MPC2: variants seen among roughly 807,000 people sequenced by gnomAD.
The protein encoded by MPC2 is brain protein 44.
MPC2 carries 19 observed loss-of-function variants against 19.2 expected under a neutral mutation model. The ratio of observed to expected loss-of-function variants is 0.99; its 90% CI spans 0.69 to 1.45. The LOEUF (loss-of-function observed/expected upper bound fraction) is 1.45, where lower values mean the gene tolerates loss of function less well. Among genes scored for constraint, MPC2 ranks in the 40% most tolerant of loss-of-function variants. MPC2 has a pLI of 0.00. For synonymous variants in MPC2, 61 were observed against 54.3 expected, an observed-to-expected ratio of 1.12 and a Z score of -0.54; for missense variants, 122 against 153.0, an observed-to-expected ratio of 0.80 and a Z score of 1.07.
At chr1:167,920,165 A>AAAGT in intron 4 of MPC2, 75 bp from the exon 5 acceptor site, 1 of 901,468 alleles carries the variant, frequency 1.1e-6, no homozygotes, top group Non-Finnish European at 1.8e-6. Flanking sequence ...AATATTGAGT[A>AAAGT]AAGTAATTAC....
At chr1:167,926,097 T>G (rs1048380106) in intron 2 of MPC2, among the ~76,000 whole-genome samples, 4 of 152,254 alleles carry the variant, frequency 2.6e-5, no homozygotes, top group African/African-American at 9.6e-5. Flanking sequence ...CTTGTGGGAC[T>G]ACTCAGCCCA....
chr1:167,923,589 T>C (rs749753114), intron 3 of MPC2, among the ~76,000 whole-genome samples: 1 of 151,994 alleles, frequency 6.6e-6, no homozygotes, highest in African/African-American at 2.4e-5. Flanking sequence ...TTTTACAAGA[T>C]AAAAAGGGTT....
chr1:167,928,317 C>G (rs1406168425), intron 2 of MPC2, among the ~76,000 whole-genome samples: 1 of 132,848 alleles, frequency 7.5e-6, no homozygotes, highest in African/African-American at 2.8e-5. Flanking sequence ...CACTGCACTC[C>G]AGAAAAAAAA....
At chr1:167,933,909 T>C (rs532946686) in intron 2 of MPC2, among the ~76,000 whole-genome samples, 2 of 152,312 alleles carry the variant, frequency 1.3e-5, no homozygotes, top group East Asian at 1.9e-4. Context: ...CTACATGTTT[T>C]AGAGACATTA....
rs566216996 is a variant in MPC2 at position 167,927,730 on chromosome 1, C to T, written c.110-3193G>A. On this transcript the variant is annotated intron_variant, in intron 2 of 5. Coordinates refer to ENST00000271373, the MANE Select transcript of MPC2 (RefSeq NM_001143674.4). Reference sequence around the variant, plus strand: ...TTTGCCTGGTAACTAATTTACTAAACTGCCTAGAGCTAGGTAATAGTTTTA... The same window carrying T: ...TTTGCCTGGTAACTAATTTACTAAATTGCCTAGAGCTAGGTAATAGTTTTA... Among the ~76,000 whole-genome samples the T allele has an allele frequency of 4.6e-5, 7 of 152,296 alleles. No homozygotes were observed. The South Asian group carries it at 1.2e-3, about 27-fold the overall frequency.
At chr1:167,932,950 G>T (rs1670952366) in intron 2 of MPC2, among the ~76,000 whole-genome samples, 1 of 152,060 alleles carries the variant, frequency 6.6e-6, no homozygotes, top group African/African-American at 2.4e-5. Flanking sequence ...ATAGTCAGGT[G>T]GGGGATAATG....
At chr1:167,927,315 C>T (rs1009052585) in intron 2 of MPC2, among the ~76,000 whole-genome samples, 1 of 152,190 alleles carries the variant, frequency 6.6e-6, no homozygotes. Context: ...ATGCATTAAT[C>T]CTATAAGTCA....
At chr1:167,925,088 T>C (rs1670698851) in intron 2 of MPC2, among the ~76,000 whole-genome samples, 1 of 152,192 alleles carries the variant, frequency 6.6e-6, no homozygotes, top group East Asian at 1.9e-4. Flanking sequence ...GTGATGGTAA[T>C]GCTACACATT....
At chr1:167,929,309 A>G (rs921936789) in intron 2 of MPC2, among the ~76,000 whole-genome samples, 5 of 152,274 alleles carry the variant, frequency 3.3e-5, no homozygotes, top group African/African-American at 1.2e-4. Context: ...CAGTGAGCCG[A>G]GATTGCACCA....
At chr1:167,925,354 G>A (rs1670707128) in intron 2 of MPC2, among the ~76,000 whole-genome samples, 1 of 149,368 alleles carries the variant, frequency 6.7e-6, no homozygotes, top group Admixed American at 6.7e-5. Flanking sequence ...AGGAAAGTTA[G>A]CCAGTAGAGT....
chr1:167,928,266 T>A (rs1370345371), intron 2 of MPC2, among the ~76,000 whole-genome samples: 1 of 146,680 alleles, frequency 6.8e-6, no homozygotes, highest in Non-Finnish European at 1.5e-5. Context: ...GAGAATGGCG[T>A]GAAGCCGGGA....
chr1:167,928,265 G>A (rs1192421284), intron 2 of MPC2, among the ~76,000 whole-genome samples: 1 of 151,174 alleles, frequency 6.6e-6, no homozygotes, highest in South Asian at 2.1e-4. Context: ...GGAGAATGGC[G>A]TGAAGCCGGG....
At chr1:167,920,780 C>CAA in intron 3 of MPC2, 149 bp from the exon 4 acceptor site, 1 of 785,032 alleles carries the variant, frequency 1.3e-6, no homozygotes, top group Non-Finnish European at 1.9e-6. Context: ...TAGATTACAA[C>CAA]AAAAAAAAAG....
intron 2 of MPC2, among the ~76,000 whole-genome samples, chr1:167,929,707 A>G (rs1670855046): frequency 6.6e-6 from 1 of 152,222 alleles, no homozygotes; most frequent in Admixed American, 6.5e-5. Context: ...TATCGTATAT[A>G]TGATTCCCTC....
In MPC2 at chr1:167,935,849, G is replaced by A. The variant is rs1331859146; in HGVS notation, c.-8C>T. On this transcript the variant is annotated 5_prime_UTR_variant, in exon 2 of 6. Coordinates refer to ENST00000271373, the MANE Select transcript of MPC2 (RefSeq NM_001143674.4). Reference sequence around the variant, plus strand: ...GGCACCGGCGGCCGACATCGCCGCCGAGGGATCGTTGGCAGCCGGGTGGGA... The same window carrying A: ...GGCACCGGCGGCCGACATCGCCGCCAAGGGATCGTTGGCAGCCGGGTGGGA... 7 of 1,548,314 alleles carry A rather than the reference G, an allele frequency of 4.5e-6. No individual in the cohort carries two copies. Among genetic ancestry groups the A allele is most frequent in the Non-Finnish European group, 6.1e-6 (7 of 1,145,796 alleles).
In MPC2 at chr1:167,936,603, G is replaced by A. The variant is rs1422263805; in HGVS notation, c.-58+336C>T. 2.0e-5 allele frequency: 7 copies of A among 349,006 alleles called. No homozygotes were observed. The East Asian group carries it at 3.5e-4, about 17-fold the overall frequency. 21.6% of individuals were successfully genotyped at this position (349,006 alleles called of 1,614,324 possible). Reference sequence around the variant, plus strand: ...GCGGGGAGGGTATCCAGGACGAGGAGAGGGAGGAGTCGCCATCGCCTCCGC... The same window carrying A: ...GCGGGGAGGGTATCCAGGACGAGGAAAGGGAGGAGTCGCCATCGCCTCCGC... On this transcript the variant is annotated intron_variant, in intron 1 of 5. Coordinates refer to ENST00000271373, the MANE Select transcript of MPC2 (RefSeq NM_001143674.4).
Position 167,924,496 on chromosome 1 carries a change from C to G in MPC2, c.150+1G>C. 1.3e-6 allele frequency: 2 copies of G among 1,590,510 alleles called. No homozygotes were observed. ...AGCTTCCGTAAAAACTCAAGACTTA[C>G]CCATTTCATAATTGGAGCCCAGAAG... On this transcript the variant is annotated splice_donor_variant, in intron 3 of 5. Transcript: ENST00000271373. LOFTEE classifies it high-confidence loss of function.
chr1:167,932,647 A>G (rs1020135251), intron 2 of MPC2, among the ~76,000 whole-genome samples: 3 of 151,982 alleles, frequency 2.0e-5, no homozygotes, highest in African/African-American at 7.3e-5. Context: ...CATCTCTACT[A>G]AAAACACAAA....
At chr1:167,935,244 T>TC (rs1671067957) in intron 2 of MPC2, among the ~76,000 whole-genome samples, 1 of 152,148 alleles carries the variant, frequency 6.6e-6, no homozygotes, top group African/African-American at 2.4e-5. Context: ...CTGGATGAAG[T>TC]AAAGCATGCA....
Sources: gnomAD v4.1 joint callset for allele counts (sites outside exome capture counted in the v4.1 genomes callset) on GRCh38, gnomAD v4.1.1 for gene constraint, MANE v1.5 for transcripts, NCBI Gene and HGNC (gene_info 2026-07-23, HGNC 2026-07-21) for gene names.